LHPP: variants seen among roughly 807,000 people sequenced by gnomAD.
LHPP encodes phospholysine phosphohistidine inorganic pyrophosphate phosphatase, also known as hLHPP.
Under a neutral mutation model 30.3 loss-of-function variants are expected in LHPP, and 24 were observed. The ratio of observed to expected loss-of-function variants is 0.79; its 90% confidence interval spans 0.57 to 1.11. LHPP has a LOEUF of 1.11. Ranked by LOEUF, LHPP falls within the 50% of genes most tolerant of loss-of-function variation. LHPP has a pLI of 0.00. For missense variants in LHPP, 356 were observed against 367.2 expected, an observed-to-expected ratio of 0.97 and a Z score of 0.25; for synonymous variants, 150 against 157.1, an observed-to-expected ratio of 0.95 and a Z score of 0.34.
chr10:124,564,112 G>A (rs903303748), intron 6 of LHPP, among the ~76,000 whole-genome samples: 77 of 146,158 alleles, frequency 5.3e-4, no homozygotes, highest in African/African-American at 1.9e-3. Flanking sequence ...GCACCCAGCT[G>A]ATTTAAAAAA....
At chr10:124,467,424 G>T (rs1952585053) in intron 1 of LHPP, among the ~76,000 whole-genome samples, 1 of 152,078 alleles carries the variant, frequency 6.6e-6, no homozygotes, top group East Asian at 1.9e-4. Flanking sequence ...CGGGAACCAT[G>T]ATGGCTCATG....
intron 3 of LHPP, chr10:124,490,274 C>T: frequency 1.0e-5 from 2 of 198,094 alleles, no homozygotes; most frequent in Non-Finnish European, 1.0e-5. Context: ...TAGGCCGCAG[C>T]CTGCCAGTCT....
intron 6 of LHPP, among the ~76,000 whole-genome samples, chr10:124,534,848 G>A (rs759760210): frequency 6.6e-6 from 1 of 152,200 alleles, no homozygotes; most frequent in Non-Finnish European, 1.5e-5. Flanking sequence ...AAGTAGCAGT[G>A]AGGCCTTACA....
Position 124,496,406 on chromosome 10 carries a change from G to A in LHPP, c.468-555G>A, listed in dbSNP as rs116668937. Among the ~76,000 whole-genome samples the A allele has an allele frequency of 9.1e-3, 1,390 of 152,294 alleles. 20 individuals are homozygous for A. The highest frequency in any genetic ancestry group is 0.032 in the African/African-American group (1,321 of 41,544). ...GAGCCTGTCTCCACCTCCATGAGAC[G>A]GGAAGGAACAGTTGTCTTCTCATAA... On this transcript the variant is annotated intron_variant, in intron 3 of 6. Coordinates refer to ENST00000368842, the MANE Select transcript of LHPP (RefSeq NM_022126.4). This position sits in a 1 kb window ranked among gnomAD's most constrained non-coding sequence, Gnocchi z 4.3.
intron 6 of LHPP, among the ~76,000 whole-genome samples, chr10:124,601,313 A>G (rs967905830): frequency 3.3e-5 from 5 of 152,104 alleles, no homozygotes; most frequent in South Asian, 2.1e-4. Flanking sequence ...GTCGGCCCAT[A>G]TTGTGGGATC....
chr10:124,481,922 G>A (rs2133843021), intron 1 of LHPP, among the ~76,000 whole-genome samples: 1 of 152,314 alleles, frequency 6.6e-6, no homozygotes, highest in Non-Finnish European at 1.5e-5. Context: ...ACTGGGCTGT[G>A]TCCTTTCCCC....
chr10:124,559,661 A>T (rs1265566465), intron 6 of LHPP, among the ~76,000 whole-genome samples: 6 of 152,252 alleles, frequency 3.9e-5, no homozygotes, highest in Non-Finnish European at 1.5e-5. Flanking sequence ...TGCGTATGTC[A>T]CGTAGGATAA....
intron 6 of LHPP, among the ~76,000 whole-genome samples, chr10:124,571,970 G>A (rs1029882225): frequency 7.2e-5 from 11 of 152,196 alleles, no homozygotes; most frequent in African/African-American, 2.4e-4. Flanking sequence ...GGGGAAGGGA[G>A]ATTAATGCGA....
chr10:124,569,021 C>T (rs185376450), intron 6 of LHPP, among the ~76,000 whole-genome samples: 1 of 152,306 alleles, frequency 6.6e-6, no homozygotes, highest in East Asian at 1.9e-4. Flanking sequence ...CTTGGAGTGG[C>T]CATTGCAGGA....
At chr10:124,602,911 G>A (rs1281987277) in intron 6 of LHPP, among the ~76,000 whole-genome samples, 1 of 152,220 alleles carries the variant, frequency 6.6e-6, no homozygotes, top group African/African-American at 2.4e-5. Flanking sequence ...GTGCACACAG[G>A]GAAGATGTCT....
At position 124,593,577 on chromosome 10, in the gene LHPP, G is replaced by C. The variant is rs1194069942; in HGVS notation, c.717-19687G>C. Among the ~76,000 whole-genome samples, 1 of 152,236 alleles carries C rather than the reference G, an allele frequency of 6.6e-6. No individual in the cohort carries two copies. The highest frequency in any genetic ancestry group is 1.5e-5 in the Non-Finnish European group (1 of 68,048). ...TCCCATGTCCTCCTCTTGGGGGTGT[G>C]ACATGAGGTCTTCCCCAAGTGGCCC... On this transcript the variant is annotated intron_variant, in intron 6 of 6. Transcript: ENST00000368842. The surrounding 1 kb of genome is among the most constrained non-coding windows in gnomAD (Gnocchi z 4.9).
Position 124,517,713 on chromosome 10 carries a change from C to T in LHPP, c.716+442C>T, listed in dbSNP as rs550117606. 6.6e-6 allele frequency among the ~76,000 whole-genome samples: 1 copy of T among 152,294 alleles called. No individual in the cohort carries two copies. Among genetic ancestry groups the T allele is most frequent in the South Asian group, 2.1e-4 (1 of 4,824 alleles). ...CTGTAAGACACAGAGAGCCTGGAGA[C>T]GACAGAGGGTTGCTCAGGCATGCCC... On this transcript the variant is annotated intron_variant, in intron 6 of 6. Coordinates refer to ENST00000368842, the MANE Select transcript of LHPP (RefSeq NM_022126.4). This position sits in a 1 kb window ranked among gnomAD's most constrained non-coding sequence, Gnocchi z 4.1.
At chr10:124,599,335 C>T (rs1448750547) in intron 6 of LHPP, among the ~76,000 whole-genome samples, 1 of 152,264 alleles carries the variant, frequency 6.6e-6, no homozygotes, top group Non-Finnish European at 1.5e-5. Context: ...ACGACCTGCA[C>T]CATCTCGGTG....
chr10:124,464,474 G>A (rs928965439), intron 1 of LHPP, among the ~76,000 whole-genome samples: 1 of 152,230 alleles, frequency 6.6e-6, no homozygotes, highest in African/African-American at 2.4e-5. Context: ...TGGGAACAGG[G>A]AGACTTGGCT....
chr10:124,498,606 C>T lies in LHPP; in HGVS notation c.624+478C>T, dbSNP rs1842829862. On this transcript the variant is annotated intron_variant, in intron 5 of 6. Coordinates refer to ENST00000368842, the MANE Select transcript of LHPP (RefSeq NM_022126.4). ...GTTATGATTTTATTGTCTACACCTACCCCAACCCTAAGTGAGTCTGGCTTC... is the reference window on the plus strand; with the variant it reads ...GTTATGATTTTATTGTCTACACCTATCCCAACCCTAAGTGAGTCTGGCTTC... 3.9e-6 allele frequency: 3 copies of T among 773,118 alleles called. No homozygotes were observed. The South Asian group carries it at 5.3e-5, about 14-fold the overall frequency. 47.9% of individuals were successfully genotyped at this position (773,118 alleles called of 1,614,324 possible).
At chr10:124,524,725 G>A (rs770577609) in intron 6 of LHPP, among the ~76,000 whole-genome samples, 2 of 152,102 alleles carry the variant, frequency 1.3e-5, no homozygotes, top group African/African-American at 4.8e-5. Flanking sequence ...CCAGCTACTC[G>A]GGAGGCTGAG....
At chr10:124,519,438 G>C (rs1301423375) in intron 6 of LHPP, among the ~76,000 whole-genome samples, 1 of 151,700 alleles carries the variant, frequency 6.6e-6, no homozygotes, top group Admixed American at 6.6e-5. Context: ...TGATTTTTTT[G>C]GTAATTTTTA....
intron 5 of LHPP, among the ~76,000 whole-genome samples, chr10:124,506,263 A>ACCCCCCC (rs539116106): frequency 2.1e-4 from 18 of 86,400 alleles, no homozygotes; most frequent in African/African-American, 2.2e-4. Context: ...AAAACAACAA[A>ACCCCCCC]CCCCCCCCCC....
rs149266284 is a variant in LHPP at position 124,543,296 on chromosome 10, T to G, written c.716+26025T>G. 3.7e-3 allele frequency among the ~76,000 whole-genome samples: 567 copies of G among 152,284 alleles called. 1 individual carries two copies. The highest frequency in any genetic ancestry group is 6.7e-3 in the Non-Finnish European group (453 of 68,008). On this transcript the variant is annotated intron_variant, in intron 6 of 6. Transcript: ENST00000368842. ...CAGGAGTTTGTGGCCAACCTGAGGG[T>G]AGACACTGCCTGTCCTCCAGACCCC...
Sources: gnomAD v4.1 joint callset for allele counts (sites outside exome capture counted in the v4.1 genomes callset) on GRCh38, gnomAD v4.1.1 for gene constraint, Gnocchi (gnomAD v3.1) non-coding constraint, MANE v1.5 for transcripts, NCBI Gene and HGNC (gene_info 2026-07-23, HGNC 2026-07-21) for gene names.